Variants in HERC3 observed in about 807,000 individuals in gnomAD.
The protein encoded by HERC3 is probable E3 ubiquitin-protein ligase HERC3.
HERC3 carries 58 observed loss-of-function variants against 129.9 expected under a neutral mutation model. The ratio of observed to expected loss-of-function variants is 0.45; its 90% CI spans 0.36 to 0.56. The LOEUF (loss-of-function observed/expected upper bound fraction) is 0.56, where lower values mean the gene tolerates loss of function less well. Among genes scored for constraint, HERC3 ranks in the 20% least tolerant of loss-of-function variants. HERC3 has a pLI of 0.00. For synonymous variants in HERC3, 430 were observed against 451.0 expected (o/e 0.95, Z 0.59); for missense variants, 835 against 1,244.2 (o/e 0.67, Z 4.95).
chr4:88,558,042 G>A, the HERC3 span, among the ~76,000 whole-genome samples: 5 of 133,406 alleles, frequency 3.7e-5, no homozygotes, highest in South Asian at 1.3e-3. Context: ...TTGCACTCCA[G>A]CCTGGGCAAC....
the HERC3 span, among the ~76,000 whole-genome samples, chr4:88,533,039 A>C: frequency 2.0e-5 from 3 of 152,326 alleles, no homozygotes; most frequent in East Asian, 5.8e-4. Context: ...TCTGAGTCCC[A>C]AAACCTCAAA....
intron 19 of HERC3, among the ~76,000 whole-genome samples, chr4:88,679,788 G>T (rs1732569814): frequency 6.6e-6 from 1 of 152,152 alleles, no homozygotes; most frequent in African/African-American, 2.4e-5. Flanking sequence ...AAAGTGCTAG[G>T]ATTACAGGCG....
At chr4:88,664,291 T>C in intron 12 of HERC3, 79 bp downstream of exon 12, 1 of 1,206,198 alleles carries the variant, frequency 8.3e-7, no homozygotes, top group Non-Finnish European at 1.2e-6. Context: ...ACAGGAGGAT[T>C]GCTTGAGTTT....
the HERC3 span, among the ~76,000 whole-genome samples, chr4:88,586,457 C>T: frequency 6.7e-6 from 1 of 149,996 alleles, no homozygotes; most frequent in East Asian, 2.0e-4. Context: ...CTTCTGGGTT[C>T]AAGTGATTCT....
At chr4:88,687,640 A>G (rs1468882278) in intron 23 of HERC3, among the ~76,000 whole-genome samples, 1 of 152,206 alleles carries the variant, frequency 6.6e-6, no homozygotes, top group Non-Finnish European at 1.5e-5. Context: ...ATGAAATGAG[A>G]TAATTCACAG....
At chr4:88,541,859 C>T in the HERC3 span, among the ~76,000 whole-genome samples, 29 of 152,122 alleles carry the variant, frequency 1.9e-4, no homozygotes, top group African/African-American at 6.7e-4. Flanking sequence ...GGGTAAATAA[C>T]AAAATGAAGG....
At chr4:88,618,720 T>C (rs1343876474) in intron 3 of HERC3, among the ~76,000 whole-genome samples, 1 of 152,202 alleles carries the variant, frequency 6.6e-6, no homozygotes, top group Non-Finnish European at 1.5e-5. Context: ...ACCCACAGAA[T>C]TCCTTTTCCT....
At chr4:88,634,458 A>G (rs1050175758) in intron 3 of HERC3, among the ~76,000 whole-genome samples, 43 of 152,218 alleles carry the variant, frequency 2.8e-4, no homozygotes, top group African/African-American at 1.0e-3. Flanking sequence ...TCCGTCTCCA[A>G]CTAGGGGCTA....
At chr4:88,678,995 C>A (rs550190628) in intron 19 of HERC3, among the ~76,000 whole-genome samples, 1 of 152,284 alleles carries the variant, frequency 6.6e-6, no homozygotes, top group South Asian at 2.1e-4. Context: ...TCTGTGTAAT[C>A]CAGGTCCCAG....
chr4:88,669,970 C>T lies in HERC3; in HGVS notation c.1744C>T (p.Leu582=), dbSNP rs780879871. 1 of 1,613,800 alleles carries T rather than the reference C, an allele frequency of 6.2e-7. No individual in the cohort carries two copies. Among genetic ancestry groups the T allele is most frequent in the Admixed American group, 1.7e-5 (1 of 60,012 alleles). ...AAGAAAGACATTCTTAATTCCCGTA[C>T]TGTTTAACAATTATATCACAGCAGC... is the stretch of plus-strand genomic sequence containing the variant. ...RGRKTFLIPV[L]FNNYITAALK... is the part of the protein sequence containing the mutation. The change falls in exon 15 of 26, where the codon CTG becomes TTG. Residue 582 remains leucine, a synonymous_variant. Coordinates refer to ENST00000402738, the MANE Select transcript of HERC3 (RefSeq NM_014606.3).
At chr4:88,607,974 A>G (rs1723858651) in intron 3 of HERC3, among the ~76,000 whole-genome samples, 1 of 152,198 alleles carries the variant, frequency 6.6e-6, no homozygotes, top group South Asian at 2.1e-4. Context: ...TTTTCATTCA[A>G]TACAGATCAT....
chr4:88,704,859 C>T (rs1055834370), intron 25 of HERC3, among the ~76,000 whole-genome samples: 4 of 124,874 alleles, frequency 3.2e-5, no homozygotes, highest in African/African-American at 1.0e-4. Flanking sequence ...TCTTTTCTTT[C>T]TTTCTTTTTT....
chr4:88,655,877 A>G lies in HERC3; in HGVS notation c.911A>G (p.Gln304Arg). 6.2e-7 allele frequency: 1 copy of G among 1,610,884 alleles called. No individual in the cohort carries two copies. Among genetic ancestry groups the G allele is most frequent in the South Asian group, 1.1e-5 (1 of 90,888 alleles). The change falls in exon 9 of 26, where the codon CAA becomes CGA. Residue 304 changes from glutamine (Q) to arginine (R), a missense_variant and splice_region_variant. Gln to Arg is a conservative substitution (Grantham distance 43). Transcript: ENST00000402738. ...TGAGTTAAATTATTTTTTCACAGAC[A>G]ACATACCCTAGCCTTCGTGCCTTCT... ...SEVTQIACGR[Q>R]HTLAFVPSSG...
At chr4:88,615,255 T>G (rs1040387007) in intron 3 of HERC3, among the ~76,000 whole-genome samples, 1 of 152,156 alleles carries the variant, frequency 6.6e-6, no homozygotes, top group Non-Finnish European at 1.5e-5. Context: ...TTTATAGATC[T>G]GGGGTAGGTA....
chr4:88,673,408 T>G (rs530833345), intron 16 of HERC3, among the ~76,000 whole-genome samples: 1 of 152,286 alleles, frequency 6.6e-6, no homozygotes, highest in East Asian at 1.9e-4. Context: ...TATTCCCAAT[T>G]TTTCTGTTCT....
chr4:88,618,098 A>G (rs904861069), intron 3 of HERC3, among the ~76,000 whole-genome samples: 23 of 152,268 alleles, frequency 1.5e-4, no homozygotes, highest in African/African-American at 5.3e-4. Context: ...ACCAGGAGGC[A>G]CAAATCATGT....
intron 12 of HERC3, among the ~76,000 whole-genome samples, chr4:88,665,451 G>A (rs995267737): frequency 6.6e-6 from 1 of 152,228 alleles, no homozygotes; most frequent in African/African-American, 2.4e-5. Context: ...GAAGAAGGAT[G>A]TCCTAGTTCC....
intron 23 of HERC3, among the ~76,000 whole-genome samples, chr4:88,688,123 G>A (rs77697362): frequency 2.8e-4 from 42 of 152,286 alleles, no homozygotes; most frequent in African/African-American, 9.9e-4. Context: ...CAGGTGCCAC[G>A]GTACTAGGGT....
At position 88,596,690 on chromosome 4, in the gene HERC3, A is replaced by G. The variant is rs75578832; in HGVS notation, c.-30+1076A>G. On this transcript the variant is annotated intron_variant, in intron 2 of 25. Coordinates refer to ENST00000402738, the MANE Select transcript of HERC3 (RefSeq NM_014606.3). ...GTGAAGTATTTGTAAGCATAAAATAATGCATGTCATATATGTTAAGAAACA... is the reference window on the plus strand; with the variant it reads ...GTGAAGTATTTGTAAGCATAAAATAGTGCATGTCATATATGTTAAGAAACA... Among the ~76,000 whole-genome samples the G allele has an allele frequency of 3.1e-3, 477 of 152,382 alleles. 13 individuals are homozygous for G. The East Asian group carries it at 0.084, about 27-fold the overall frequency.
Sources: allele counts gnomAD v4.1 joint callset (sites outside exome capture counted in the v4.1 genomes callset), GRCh38; gene constraint gnomAD v4.1.1; transcripts MANE v1.5; gene names NCBI Gene and HGNC (gene_info 2026-07-23, HGNC 2026-07-21).